Variants in DNAH6 observed in about 807,000 individuals in gnomAD.
The protein encoded by DNAH6 is axonemal beta dynein heavy chain 6.
A neutral mutation model predicts 491.4 loss-of-function variants in DNAH6; 340 were observed. That is an observed-to-expected ratio of 0.69 (90% confidence interval 0.63 to 0.76). The LOEUF (loss-of-function observed/expected upper bound fraction) is 0.76. Among genes scored for constraint, DNAH6 ranks in the 30% least tolerant of loss-of-function variants. The pLI, the probability that DNAH6 is intolerant of heterozygous loss-of-function variation, is 0.00. For synonymous variants in DNAH6, 1,603 were observed against 1,686.1 expected (o/e 0.95, Z 1.21); for missense variants, 4,443 against 4,972.2 (o/e 0.89, Z 3.20).
chr2:84,814,659 C>T (rs1207508636), intron 75 of DNAH6, among the ~76,000 whole-genome samples: 3 of 152,214 alleles, frequency 2.0e-5, no homozygotes, highest in Non-Finnish European at 2.9e-5. Context: ...CCATGCTCAG[C>T]ACACTCCATC....
rs1420821171 is a variant in DNAH6 at position 84,709,443 on chromosome 2, A to G, written c.9149A>G (p.Gln3050Arg). The change falls in exon 55 of 77, where the codon CAG becomes CGG. Residue 3050 changes from glutamine to arginine, a missense_variant. Gln to Arg is a conservative substitution (Grantham distance 43). This residue lies in a region of DNAH6 where 1,463 missense variants were observed against 1,656.6 expected (regional missense o/e 0.88). Transcript: ENST00000389394. ...NILGDPYEIR[Q>R]WNTDGLPRDL... ...CTTGGAGATCCCTACGAGATACGGC[A>G]GTGGAACACTGATGGGCTGCCCCGT... 1 of 1,551,578 alleles carries G rather than the reference A, an allele frequency of 6.4e-7. No homozygotes were observed. Among genetic ancestry groups the G allele is most frequent in the Non-Finnish European group, 8.7e-7 (1 of 1,147,030 alleles).
At position 84,670,310 on chromosome 2, in the gene DNAH6, A is replaced by G; in HGVS notation, c.6307-18A>G. On this transcript the variant is annotated intron_variant, in intron 38 of 76. Coordinates refer to ENST00000389394, the MANE Select transcript of DNAH6 (RefSeq NM_001370.2). ...AGGTTATATTCATGTGACATTAATT[A>G]ACTTATTTTAATTTAAGTCTGTGAT... The G allele has an allele frequency of 1.4e-6, 2 of 1,470,434 alleles. No individual in the cohort carries two copies. Among genetic ancestry groups the G allele is most frequent in the Non-Finnish European group, 1.8e-6 (2 of 1,084,680 alleles). The allele number at this position is 1,470,434 out of a possible 1,614,324, so 91.1% of individuals were successfully genotyped here.
rs113710914 is a variant in DNAH6 at position 84,704,414 on chromosome 2, T to C, written c.8465+112T>C. The C allele has an allele frequency of 1.5e-3, 1,206 of 794,396 alleles. 10 individuals are homozygous for C. In the African/African-American group the frequency reaches 0.018, roughly 12 times the overall value. 49.2% of individuals were successfully genotyped at this position (794,396 alleles called of 1,614,324 possible). On this transcript the variant is annotated intron_variant, in intron 51 of 76. Transcript: ENST00000389394. ...CTTCTCCACCTTCTCATTGCTTCAG[T>C]TGGTCATTCAACAAATTGATTCAAG...
chr2:84,553,470 CT>C (rs889855240), intron 10 of DNAH6, among the ~76,000 whole-genome samples: 15 of 108,618 alleles, frequency 1.4e-4, no homozygotes, highest in African/African-American at 1.0e-4. Context: ...TCTTTTCTTT[CT>C]TTTTTTTTTG....
At chr2:84,638,009 C>T (rs1271066061) in intron 31 of DNAH6, among the ~76,000 whole-genome samples, 3 of 152,030 alleles carry the variant, frequency 2.0e-5, no homozygotes, top group South Asian at 2.1e-4. Context: ...GTGGGAGGAT[C>T]GCTTGAGTCC....
At chr2:84,489,086 C>T in the DNAH6 span, among the ~76,000 whole-genome samples, 1 of 152,098 alleles carries the variant, frequency 6.6e-6, no homozygotes, top group African/African-American at 2.4e-5. Context: ...ATGTTATTGG[C>T]CTCCCTATAA....
chr2:84,816,434 A>C (rs1460764047), intron 76 of DNAH6, among the ~76,000 whole-genome samples: 1 of 152,186 alleles, frequency 6.6e-6, no homozygotes, highest in Non-Finnish European at 1.5e-5. Flanking sequence ...TTTTAAAATA[A>C]ATGAATAGGC....
chr2:84,711,982 G>A (rs1697088060), intron 56 of DNAH6, among the ~76,000 whole-genome samples: 1 of 152,248 alleles, frequency 6.6e-6, no homozygotes, highest in African/African-American at 2.4e-5. Context: ...CTGGACAGAA[G>A]AGTGTTTTAA....
chr2:84,804,612 T>TA (rs914486793), intron 70 of DNAH6, among the ~76,000 whole-genome samples: 1 of 151,926 alleles, frequency 6.6e-6, no homozygotes, highest in African/African-American at 2.4e-5. Context: ...TTTCTAATTT[T>TA]AAAAAAAAGT....
chr2:84,683,404 C>T (rs989381745), intron 42 of DNAH6, among the ~76,000 whole-genome samples: 52 of 135,022 alleles, frequency 3.9e-4, no homozygotes, highest in Non-Finnish European at 3.1e-4. Flanking sequence ...TTGTTCTACA[C>T]CACTCTTATT....
chr2:84,568,283 C>A (rs1269115152), intron 11 of DNAH6, among the ~76,000 whole-genome samples: 2 of 152,104 alleles, frequency 1.3e-5, no homozygotes, highest in Non-Finnish European at 2.9e-5. Context: ...ACATTCATTG[C>A]AGGACTATTC....
chr2:84,493,691 G>T, the DNAH6 span, among the ~76,000 whole-genome samples: 1 of 152,168 alleles, frequency 6.6e-6, no homozygotes, highest in Non-Finnish European at 1.5e-5. Context: ...TCACTGAAAG[G>T]CTCCAGAAGG....
At chr2:84,741,678 C>T (rs912015599) in intron 62 of DNAH6, among the ~76,000 whole-genome samples, 1 of 152,150 alleles carries the variant, frequency 6.6e-6, no homozygotes, top group Non-Finnish European at 1.5e-5. Flanking sequence ...GCCCGTTCTC[C>T]CCTCTCCCTC....
intron 45 of DNAH6, among the ~76,000 whole-genome samples, 152 bp from the exon 46 acceptor site, chr2:84,694,097 C>T (rs898753041): frequency 6.6e-6 from 1 of 152,262 alleles, no homozygotes; most frequent in Admixed American, 6.5e-5. Flanking sequence ...GTTCACCAAA[C>T]CCTGGCCTCA....
At chr2:84,777,164 C>A (rs1337276422) in intron 64 of DNAH6, 1 of 178,908 alleles carries the variant, frequency 5.6e-6, no homozygotes, top group Non-Finnish European at 1.2e-5. Flanking sequence ...TTAATGGGTG[C>A]AGCACACTAA....
intron 23 of DNAH6, 32 bp from the exon 24 acceptor site, chr2:84,619,653 A>G: frequency 6.5e-7 from 1 of 1,527,008 alleles, no homozygotes; most frequent in South Asian, 1.2e-5. Context: ...CTTCCATTTC[A>G]AGTTATATTT....
Position 84,552,922 on chromosome 2 carries a change from C to A in DNAH6, c.1490C>A (p.Thr497Asn). 1 of 1,600,166 alleles carries A rather than the reference C, an allele frequency of 6.2e-7. No homozygotes were observed. Among genetic ancestry groups the A allele is most frequent in the Non-Finnish European group, 8.6e-7 (1 of 1,169,532 alleles). Residue 497 changes from threonine to asparagine, a missense_variant, in exon 10 of 77, where the codon ACC (threonine) becomes AAC (asparagine). By Grantham distance (65) the Thr-to-Asn change is moderately conservative (BLOSUM62 0). Around this residue, in one of 3 missense-constraint regions of DNAH6, gnomAD observed 2,977 missense variants for 3,296.6 expected, o/e 0.90. Transcript: ENST00000389394. ...CTGTACATATATTCATTTCAGGGGA[C>A]CCTTATGGTGGAAAAGCAAGAAGAA... ...EKPEVPDKKG[T>N]LMVEKQEEDE... is the part of the protein sequence containing the mutation.
chr2:84,579,974 C>A (rs1383019892), intron 14 of DNAH6, among the ~76,000 whole-genome samples: 1 of 151,976 alleles, frequency 6.6e-6, no homozygotes, highest in Non-Finnish European at 1.5e-5. Flanking sequence ...AAACAGAAAC[C>A]AAAACAGGAT....
intron 8 of DNAH6, 116 bp from the exon 9 acceptor site, chr2:84,549,773 A>C (rs1679140012): frequency 1.4e-6 from 1 of 724,260 alleles, no homozygotes; most frequent in Admixed American, 3.2e-5. Flanking sequence ...AATTAAATGG[A>C]AATTCAAGGA....
Sources: allele counts gnomAD v4.1 joint callset (sites outside exome capture counted in the v4.1 genomes callset), GRCh38; gene constraint gnomAD v4.1.1; regional missense constraint gnomAD v4.1.1; transcripts MANE v1.5; gene names NCBI Gene and HGNC (gene_info 2026-07-23, HGNC 2026-07-21).